EVI5: variants seen among roughly 807,000 people sequenced by gnomAD.
The protein encoded by EVI5 is ecotropic viral integration site 5.
In EVI5, 73 loss-of-function variants were observed where a neutral mutation model predicts 112.0. The observed-to-expected ratio is 0.65, with a 90% CI of 0.54 to 0.79. The LOEUF is 0.79. Among genes scored for constraint, EVI5 ranks in the 30% least tolerant of loss-of-function variants. The pLI is 0.00. For missense variants in EVI5, 900 were observed against 968.8 expected, an observed-to-expected ratio of 0.93 and a Z score of 0.94; for synonymous variants, 305 against 319.9, an observed-to-expected ratio of 0.95 and a Z score of 0.50.
chr1:92,716,730 AT>A (rs1457473407), intron 2 of EVI5, among the ~76,000 whole-genome samples: 1 of 152,004 alleles, frequency 6.6e-6, no homozygotes, highest in Non-Finnish European at 1.5e-5. Flanking sequence ...CTGAAAAAAG[AT>A]TAGACGAATG....
chr1:92,674,953 A>G (rs1412925887), intron 10 of EVI5, among the ~76,000 whole-genome samples: 1 of 152,196 alleles, frequency 6.6e-6, no homozygotes, highest in African/African-American at 2.4e-5. Flanking sequence ...TCTATAGACA[A>G]TTTTATGCCA....
chr1:92,774,546 T>C (rs1375986985), intron 1 of EVI5, among the ~76,000 whole-genome samples: 4 of 152,176 alleles, frequency 2.6e-5, no homozygotes, highest in African/African-American at 9.7e-5. Context: ...AAAAGCATTA[T>C]CCATAATAAA....
At chr1:92,659,728 C>T (rs1663651114) in intron 13 of EVI5, among the ~76,000 whole-genome samples, 2 of 152,016 alleles carry the variant, frequency 1.3e-5, no homozygotes, top group African/African-American at 4.8e-5. Flanking sequence ...TCCAGCAATC[C>T]TACTACTGGG....
At chr1:92,759,866 C>G (rs1187636028) in intron 1 of EVI5, among the ~76,000 whole-genome samples, 2 of 137,860 alleles carry the variant, frequency 1.5e-5, no homozygotes, top group African/African-American at 5.3e-5. Context: ...CCCTCCCCCC[C>G]ACATACATTT....
At chr1:92,758,999 A>AG (rs1301941157) in intron 1 of EVI5, among the ~76,000 whole-genome samples, 6 of 152,298 alleles carry the variant, frequency 3.9e-5, no homozygotes, top group Admixed American at 3.9e-4. Context: ...ACACTTTGGG[A>AG]GGCCCAAGCA....
chr1:92,733,985 A>G (rs1385722833), intron 2 of EVI5, among the ~76,000 whole-genome samples: 2 of 152,186 alleles, frequency 1.3e-5, no homozygotes, highest in African/African-American at 4.8e-5. Context: ...AAGAAACTTC[A>G]GTTTTCTCTT....
intron 16 of EVI5, among the ~76,000 whole-genome samples, chr1:92,608,099 G>A (rs761310710): frequency 2.2e-4 from 34 of 151,170 alleles, no homozygotes; most frequent in Non-Finnish European, 3.5e-4. Flanking sequence ...TGCAGTGAGC[G>A]GAGACTGAGC....
intron 1 of EVI5, among the ~76,000 whole-genome samples, chr1:92,769,573 C>T (rs1050765800): frequency 2.6e-5 from 4 of 152,082 alleles, no homozygotes; most frequent in Non-Finnish European, 4.4e-5. Context: ...GGGTGCTTTG[C>T]AGCTATGATT....
intron 19 of EVI5, among the ~76,000 whole-genome samples, chr1:92,520,140 C>A (rs555448989): frequency 6.6e-6 from 1 of 151,922 alleles, no homozygotes; most frequent in Non-Finnish European, 1.5e-5. Flanking sequence ...ACATGCAAAA[C>A]CCATTGAATT....
Position 92,607,684 on chromosome 1 carries a change from A to G in EVI5, c.1871T>C (p.Val624Ala). The part of the protein sequence containing the change: ...SNHLRRAEQE[V>A]ISLQEKVQYL... ...CTGCACTTTCTCCTGTAGGCTAATC[A>G]CCTCTTGTTCTGCTCTTCGAAGATG... Residue 624 changes from valine to alanine, a missense_variant, in exon 17 of 20, where the codon GTG becomes GCG. Coordinates refer to ENST00000684568, the MANE Select transcript of EVI5 (RefSeq NM_001350197.2). 1 of 1,605,140 alleles carries G rather than the reference A, an allele frequency of 6.2e-7. No individual in the cohort carries two copies. Among genetic ancestry groups the G allele is most frequent in the Non-Finnish European group, 8.5e-7 (1 of 1,175,688 alleles).
intron 19 of EVI5, among the ~76,000 whole-genome samples, chr1:92,542,557 A>G (rs574944668): frequency 1.1e-4 from 16 of 152,318 alleles, no homozygotes; most frequent in Non-Finnish European, 1.3e-4. Context: ...GGAGGATTTC[A>G]ATTTACTTTG....
chr1:92,727,729 AT>A (rs150419512), intron 2 of EVI5, among the ~76,000 whole-genome samples: 1 of 152,096 alleles, frequency 6.6e-6, no homozygotes, highest in Non-Finnish European at 1.5e-5. Flanking sequence ...AACTCCAAAG[AT>A]TTTTTCTAGG....
chr1:92,733,722 GCTTT>G (rs1225651183), intron 2 of EVI5, among the ~76,000 whole-genome samples: 6 of 152,004 alleles, frequency 3.9e-5, no homozygotes, highest in African/African-American at 1.2e-4. Flanking sequence ...TACATTATCA[GCTTT>G]CTATTAAATT....
chr1:92,652,395 G>A (rs1662288160), intron 13 of EVI5, among the ~76,000 whole-genome samples: 1 of 152,144 alleles, frequency 6.6e-6, no homozygotes, highest in African/African-American at 2.4e-5. Flanking sequence ...TTCAGACAAT[G>A]AAAAGGTTCT....
intron 19 of EVI5, among the ~76,000 whole-genome samples, chr1:92,551,265 G>C (rs1293825473): frequency 3.0e-5 from 2 of 66,212 alleles, no homozygotes; most frequent in African/African-American, 1.5e-4. Flanking sequence ...ACTCCTGAGT[G>C]ATCCACCCGC....
chr1:92,564,581 A>G (rs1346410287), intron 18 of EVI5, among the ~76,000 whole-genome samples: 3 of 152,186 alleles, frequency 2.0e-5, no homozygotes. Flanking sequence ...AGTTTGTTTC[A>G]GGTGAGCACT....
chr1:92,735,547 TTGAC>T (rs1224449491), intron 2 of EVI5, among the ~76,000 whole-genome samples: 1 of 149,424 alleles, frequency 6.7e-6, no homozygotes, highest in East Asian at 1.9e-4. Flanking sequence ...ATTATATAGC[TTGAC>T]TGAGCACAAA....
intron 16 of EVI5, among the ~76,000 whole-genome samples, chr1:92,615,366 TGA>T (rs1652894029): frequency 6.6e-6 from 1 of 152,272 alleles, no homozygotes; most frequent in Middle Eastern, 3.4e-3. Context: ...TTGCCCTGAA[TGA>T]GAGTAGACAG....
intron 18 of EVI5, among the ~76,000 whole-genome samples, chr1:92,575,616 C>T (rs912289777): frequency 1.5e-4 from 18 of 119,074 alleles, no homozygotes; most frequent in Non-Finnish European, 2.7e-4. Flanking sequence ...GTTGCATAGT[C>T]TAGAGTGCAG....
Sources: gnomAD v4.1 joint callset for allele counts (sites outside exome capture counted in the v4.1 genomes callset) on GRCh38, gnomAD v4.1.1 for gene constraint, MANE v1.5 for transcripts, NCBI Gene and HGNC (gene_info 2026-07-23, HGNC 2026-07-21) for gene names.